Variants in DISP1 observed in about 807,000 individuals in gnomAD.
DISP1 encodes dispatched RND transporter family member 1, also known as protein dispatched homolog 1.
DISP1 carries 30 observed loss-of-function variants against 37.3 expected under a neutral mutation model. The observed-to-expected ratio is 0.80, with a 90% confidence interval of 0.60 to 1.09. The LOEUF (loss-of-function observed/expected upper bound fraction) is 1.09. DISP1 is among the 50% of genes least tolerant of loss of function. The pLI, the probability that DISP1 is intolerant of heterozygous loss-of-function variation, is 0.00. For missense variants in DISP1, 1,598 were observed against 1,879.5 expected (o/e 0.85, Z 2.77); for synonymous variants, 634 against 690.2 (o/e 0.92, Z 1.28).
intron 1 of DISP1, among the ~76,000 whole-genome samples, chr1:222,849,948 AAGAC>A (rs1304784968): frequency 2.0e-5 from 3 of 152,114 alleles, no homozygotes; most frequent in Admixed American, 6.5e-5. Context: ...GAGTGTTAGA[AAGAC>A]AGGTTGTATG....
At chr1:222,902,383 C>T (rs1314432060) in intron 1 of DISP1, among the ~76,000 whole-genome samples, 3 of 152,148 alleles carry the variant, frequency 2.0e-5, no homozygotes, top group Non-Finnish European at 4.4e-5. Flanking sequence ...CCATTCAGGA[C>T]ATAGGCATGG....
At chr1:222,818,587 T>C (rs938064769) in intron 1 of DISP1, among the ~76,000 whole-genome samples, 2 of 152,210 alleles carry the variant, frequency 1.3e-5, no homozygotes, top group Non-Finnish European at 2.9e-5. Context: ...AGTTGGCAAG[T>C]ACAAAATTTG....
At chr1:222,944,859 A>G (rs967977980) in intron 3 of DISP1, among the ~76,000 whole-genome samples, 1 of 152,202 alleles carries the variant, frequency 6.6e-6, no homozygotes, top group African/African-American at 2.4e-5. Flanking sequence ...TGCATGTAAC[A>G]AATTCACTTC....
intron 1 of DISP1, among the ~76,000 whole-genome samples, chr1:222,822,062 G>A (rs61838116): frequency 0.78 from 118,704 of 152,074 alleles, 46,424 homozygotes; most frequent in African/African-American, 0.83. Context: ...ACTCTTGTTT[G>A]TAAATTACCC....
intron 1 of DISP1, among the ~76,000 whole-genome samples, chr1:222,898,141 A>G (rs1671371145): frequency 6.6e-6 from 1 of 152,140 alleles, no homozygotes; most frequent in African/African-American, 2.4e-5. Context: ...TATTATGTGG[A>G]TTATAGCTTA....
At position 222,949,404 on chromosome 1, in the gene DISP1, A is replaced by G. The variant is rs139108110; in HGVS notation, c.509+6072A>G. Among the ~76,000 whole-genome samples the G allele has an allele frequency of 8.4e-4, 128 of 152,200 alleles. 1 individual carries two copies. Among genetic ancestry groups the G allele is most frequent in the African/African-American group, 2.6e-3 (110 of 41,536 alleles). ...GGGAGACTCTCAAAAAAAAAAATAC[A>G]TAAAATTAAAATAAAGATTATTGCA... On this transcript the variant is annotated intron_variant, in intron 3 of 8. Coordinates refer to ENST00000675850, the MANE Select transcript of DISP1 (RefSeq NM_001377229.1).
Position 222,939,595 on chromosome 1 carries a change from G to A in DISP1, c.-17-3212G>A, listed in dbSNP as rs187936511. Among the ~76,000 whole-genome samples, 878 of 151,976 alleles carry A rather than the reference G, an allele frequency of 5.8e-3. 6 individuals carry two copies. Among genetic ancestry groups the A allele is most frequent in the African/African-American group, 0.02 (842 of 41,440 alleles). On this transcript the variant is annotated intron_variant, in intron 2 of 8. Coordinates refer to ENST00000675850, the MANE Select transcript of DISP1 (RefSeq NM_001377229.1). The stretch of plus-strand genomic sequence containing the variant: ...CCTAATCCCAGCACTTTGGGAGGTC[G>A]AGGTGGGCAGATCACCTGAGGTCAG...
At chr1:222,894,632 A>G (rs1308406076) in intron 1 of DISP1, among the ~76,000 whole-genome samples, 1 of 152,190 alleles carries the variant, frequency 6.6e-6, no homozygotes, top group Non-Finnish European at 1.5e-5. Flanking sequence ...AAGAGTGCAG[A>G]GATGCCTGGG....
At chr1:222,837,076 G>T (rs529009047) in intron 1 of DISP1, 15 of 398,410 alleles carry the variant, frequency 3.8e-5, no homozygotes, top group Non-Finnish European at 5.8e-5. Context: ...GGTAGATGCC[G>T]GTAGATTGGG....
In DISP1 at chr1:223,005,641, A is replaced by G; in HGVS notation, c.4244A>G (p.Glu1415Gly). Residue 1415 changes from glutamate (E) to glycine (G), a missense_variant, in exon 9 of 9, where the codon GAA (glutamate) becomes GGA (glycine). Physicochemically the swap from Glu to Gly is moderately conservative, Grantham distance 98 (BLOSUM62 -2). Coordinates refer to ENST00000675850, the MANE Select transcript of DISP1 (RefSeq NM_001377229.1). ...TCCDPENKQR[E>G]LCKNRDVSNL... ...TGCGACCCCGAGAATAAACAAAGGG[A>G]ACTCTGTAAAAATAGAGACGTGAGC... 6.2e-7 allele frequency: 1 copy of G among 1,614,074 alleles called. No individual in the cohort carries two copies. Among genetic ancestry groups the G allele is most frequent in the Non-Finnish European group, 8.5e-7 (1 of 1,180,024 alleles).
intron 2 of DISP1, among the ~76,000 whole-genome samples, chr1:222,938,928 G>A (rs1241750004): frequency 6.6e-6 from 1 of 151,866 alleles, no homozygotes; most frequent in Non-Finnish European, 1.5e-5. Flanking sequence ...ATAATCTATA[G>A]ACAGTTCATA....
At chr1:222,864,318 G>A (rs1025548463) in intron 1 of DISP1, among the ~76,000 whole-genome samples, 2 of 152,164 alleles carry the variant, frequency 1.3e-5, no homozygotes, top group Non-Finnish European at 2.9e-5. Context: ...TGAATACATA[G>A]TTATGGCATT....
At position 222,884,435 on chromosome 1, in the gene DISP1, A is replaced by G. The variant is rs533029993; in HGVS notation, c.-158-43995A>G. 2.0e-5 allele frequency among the ~76,000 whole-genome samples: 3 copies of G among 152,148 alleles called. No individual in the cohort carries two copies. In the South Asian group the frequency reaches 6.2e-4, roughly 32 times the overall value. ...TGTTGTGTCTCCGTAGTCTCTTCCA[A>G]TCTGTTAATGTGTGATAGTTCTCCA... On this transcript the variant is annotated intron_variant, in intron 1 of 8. Transcript: ENST00000675850.
Position 223,005,771 on chromosome 1 carries a change from T to G in DISP1, c.4374T>G (p.Asn1458Lys), listed in dbSNP as rs1679867846. Reference protein sequence around the residue: ...ASVNSEHFNQNEPKVLFNHLM... With the variant: ...ASVNSEHFNQKEPKVLFNHLM... Reference sequence around the variant, plus strand: ...TGAACTCAGAACATTTCAATCAGAATGAACCAAAAGTCCTATTTAATCATT... The same window carrying G: ...TGAACTCAGAACATTTCAATCAGAAGGAACCAAAAGTCCTATTTAATCATT... The change falls in exon 9 of 9, where the codon AAT becomes AAG. Residue 1458 changes from asparagine (N) to lysine (K), a missense_variant. Physicochemically the swap from Asn to Lys is moderately conservative, Grantham distance 94. Coordinates refer to ENST00000675850, the MANE Select transcript of DISP1 (RefSeq NM_001377229.1). 6.8e-6 allele frequency: 11 copies of G among 1,614,210 alleles called. No individual in the cohort carries two copies. In the East Asian group the frequency reaches 2.2e-4, roughly 33 times the overall value.
intron 1 of DISP1, among the ~76,000 whole-genome samples, chr1:222,854,928 G>T (rs1025166104): frequency 2.6e-5 from 4 of 151,974 alleles, no homozygotes; most frequent in Non-Finnish European, 5.9e-5. Context: ...AAGTGGGATA[G>T]CTCATTCTGA....
At chr1:222,936,592 GATATATATCTCTCATATATATGAGAT>G (rs1558339092) in intron 2 of DISP1, among the ~76,000 whole-genome samples, 3 of 49,936 alleles carry the variant, frequency 6.0e-5, no homozygotes, top group South Asian at 1.1e-3. Flanking sequence ...ATATATGAGA[GATATATATCTCTCATATATATGAGAT>G]ATATATATCT....
chr1:222,925,633 A>T (rs1357176640), intron 1 of DISP1, among the ~76,000 whole-genome samples: 1 of 152,088 alleles, frequency 6.6e-6, no homozygotes, highest in Non-Finnish European at 1.5e-5. Flanking sequence ...GTTTTAGGTG[A>T]ATTAGGAGAT....
At chr1:222,880,099 C>T (rs985641703) in intron 1 of DISP1, among the ~76,000 whole-genome samples, 9 of 151,820 alleles carry the variant, frequency 5.9e-5, no homozygotes, top group African/African-American at 1.9e-4. Flanking sequence ...AATGTTTAAT[C>T]GTAGGGGGAA....
intron 3 of DISP1, among the ~76,000 whole-genome samples, chr1:222,977,190 C>T (rs897472271): frequency 7.4e-6 from 1 of 135,082 alleles, no homozygotes; most frequent in Non-Finnish European, 1.7e-5. Flanking sequence ...CCACCATGCC[C>T]GGCTAGTTTT....
Sources: allele counts gnomAD v4.1 joint callset (sites outside exome capture counted in the v4.1 genomes callset), GRCh38; gene constraint gnomAD v4.1.1; transcripts MANE v1.5; gene names NCBI Gene and HGNC (gene_info 2026-07-23, HGNC 2026-07-21).